Variants in ST8SIA1 observed in about 807,000 individuals in gnomAD.
ST8SIA1 encodes alpha-N-acetylneuraminide alpha-2,8-sialyltransferase.
ST8SIA1 carries 16 observed loss-of-function variants against 35.9 expected under a neutral mutation model. The observed-to-expected ratio is 0.45, with a 90% CI of 0.30 to 0.68. The LOEUF is 0.68. Ranked by LOEUF, ST8SIA1 falls within the 30% of genes least tolerant of loss-of-function variation. The pLI, the probability that ST8SIA1 is intolerant of heterozygous loss-of-function variation, is 0.09. For missense variants in ST8SIA1, 383 were observed against 453.6 expected (o/e 0.84, Z 1.41); for synonymous variants, 170 against 169.6 (o/e 1.00, Z -0.02).
intron 4 of ST8SIA1, among the ~76,000 whole-genome samples, chr12:22,229,098 T>A (rs889056057): frequency 1.4e-5 from 2 of 147,502 alleles, no homozygotes; most frequent in Admixed American, 6.8e-5. Context: ...GTGAAGAATA[T>A]TGACTCTGGA....
chr12:22,311,494 T>C (rs1197256899), intron 1 of ST8SIA1, among the ~76,000 whole-genome samples: 2 of 152,164 alleles, frequency 1.3e-5, no homozygotes, highest in African/African-American at 2.4e-5. Context: ...ATTTCTTCAA[T>C]TGTCTCTGGC....
intron 4 of ST8SIA1, among the ~76,000 whole-genome samples, chr12:22,221,304 G>A (rs985276553): frequency 6.6e-6 from 1 of 152,136 alleles, no homozygotes; most frequent in Non-Finnish European, 1.5e-5. Context: ...AGGACAAGAG[G>A]AAGAGGAGGT....
chr12:22,239,100 T>C (rs1369039454), intron 4 of ST8SIA1, among the ~76,000 whole-genome samples: 1 of 152,238 alleles, frequency 6.6e-6, no homozygotes, highest in African/African-American at 2.4e-5. Flanking sequence ...ATAATTATTC[T>C]TTTGCAGGTG....
At chr12:22,284,704 G>A (rs570329785) in intron 2 of ST8SIA1, among the ~76,000 whole-genome samples, 144 of 152,264 alleles carry the variant, frequency 9.5e-4, no homozygotes, top group South Asian at 2.7e-3. Flanking sequence ...CAAGAAAAAA[G>A]TATTCTTCCT....
At chr12:22,289,236 A>G (rs1050622601) in intron 1 of ST8SIA1, among the ~76,000 whole-genome samples, 7 of 152,144 alleles carry the variant, frequency 4.6e-5, no homozygotes, top group Non-Finnish European at 1.0e-4. Context: ...GTCTGCTGAT[A>G]TCTTATATTT....
At chr12:22,292,478 T>C (rs1424865496) in intron 1 of ST8SIA1, among the ~76,000 whole-genome samples, 2 of 152,180 alleles carry the variant, frequency 1.3e-5, no homozygotes, top group Admixed American at 1.3e-4. Flanking sequence ...ATAAAGGTGC[T>C]TAATAAATAT....
At chr12:22,312,698 G>T (rs12816254) in intron 1 of ST8SIA1, among the ~76,000 whole-genome samples, 49,148 of 149,600 alleles carry the variant, frequency 0.33, 8,790 homozygotes, top group Middle Eastern at 0.53. Context: ...AACCAAGTAG[G>T]GGCGTCACGG....
At chr12:22,243,589 C>CA (rs3216628) in intron 4 of ST8SIA1, among the ~76,000 whole-genome samples, 3 of 151,886 alleles carry the variant, frequency 2.0e-5, no homozygotes, top group Non-Finnish European at 2.9e-5. Context: ...TGTATTTAAC[C>CA]AAGTTTCCAG....
At chr12:22,239,971 G>GT (rs967124045) in intron 4 of ST8SIA1, among the ~76,000 whole-genome samples, 16 of 151,460 alleles carry the variant, frequency 1.1e-4, no homozygotes, top group South Asian at 2.1e-4. Context: ...TTCTGTTTTT[G>GT]TTTTTTTTGT....
intron 4 of ST8SIA1, among the ~76,000 whole-genome samples, chr12:22,248,442 A>C (rs1865629334): frequency 6.8e-6 from 1 of 146,304 alleles, no homozygotes. Context: ...CCAAGATTCC[A>C]GGCAATTTCA....
intron 1 of ST8SIA1, chr12:22,324,460 G>T (rs1866646765): frequency 6.6e-6 from 1 of 152,018 alleles, no homozygotes; most frequent in Non-Finnish European, 1.5e-5. Flanking sequence ...AAATACATTT[G>T]TATCTATCCT....
chr12:22,282,054 C>T (rs1866043949), intron 2 of ST8SIA1, among the ~76,000 whole-genome samples: 1 of 152,098 alleles, frequency 6.6e-6, no homozygotes, highest in African/African-American at 2.4e-5. Flanking sequence ...GAAATTTCTC[C>T]ATTTCTTATA....
intron 4 of ST8SIA1, among the ~76,000 whole-genome samples, chr12:22,227,106 T>A (rs1865367936): frequency 6.6e-6 from 1 of 151,502 alleles, no homozygotes; most frequent in African/African-American, 2.4e-5. Flanking sequence ...CCACCACACC[T>A]GGCTAATTTT....
chr12:22,202,467 C>A (rs940282549), intron 4 of ST8SIA1, among the ~76,000 whole-genome samples: 2 of 152,152 alleles, frequency 1.3e-5, no homozygotes, highest in African/African-American at 4.8e-5. Context: ...TTCTAAGATA[C>A]CTCTCCCCAC....
intron 2 of ST8SIA1, among the ~76,000 whole-genome samples, chr12:22,285,680 T>A (rs1866088804): frequency 6.6e-6 from 1 of 152,086 alleles, no homozygotes; most frequent in Non-Finnish European, 1.5e-5. Context: ...GAGACCAGCC[T>A]GGCCAGCACG....
rs1039780126 is a variant in ST8SIA1 at position 22,194,393 on chromosome 12, A to G, written c.*7159T>C. 1 of 152,224 alleles carries G rather than the reference A, an allele frequency of 6.6e-6. No individual in the cohort carries two copies. Among genetic ancestry groups the G allele is most frequent in the African/African-American group, 2.4e-5 (1 of 41,458 alleles). 9.4% of individuals were successfully genotyped at this position (152,224 alleles called of 1,614,324 possible). A position where few individuals can be genotyped will look rare whatever the true frequency, so the allele number is the denominator to read the frequency against. ...TATCAGACTTCTCCAAGGCCTATAA[A>G]CTATTGTGCATTTCTATAAAATAGT... On this transcript the variant is annotated 3_prime_UTR_variant, in exon 5 of 5. Coordinates refer to ENST00000396037, the MANE Select transcript of ST8SIA1 (RefSeq NM_003034.4).
chr12:22,297,080 G>C (rs745520611), intron 1 of ST8SIA1, among the ~76,000 whole-genome samples: 7 of 152,060 alleles, frequency 4.6e-5, no homozygotes, highest in Non-Finnish European at 8.8e-5. Context: ...TTATATAATA[G>C]ATATAAGAAC....
At chr12:22,255,082 T>C (rs1035086426) in intron 3 of ST8SIA1, among the ~76,000 whole-genome samples, 198 bp downstream of exon 3, 2 of 152,174 alleles carry the variant, frequency 1.3e-5, no homozygotes, top group Non-Finnish European at 2.9e-5. Context: ...TTCTTGGCTT[T>C]GTCCTTTCTC....
chr12:22,278,981 T>C (rs1280404566), intron 2 of ST8SIA1, among the ~76,000 whole-genome samples: 1 of 152,196 alleles, frequency 6.6e-6, no homozygotes, highest in Admixed American at 6.5e-5. Flanking sequence ...ACCTAACAAT[T>C]TTCCCAAATC....
Sources: gnomAD v4.1 joint callset for allele counts (sites outside exome capture counted in the v4.1 genomes callset) on GRCh38, gnomAD v4.1.1 for gene constraint, MANE v1.5 for transcripts, NCBI Gene and HGNC (gene_info 2026-07-23, HGNC 2026-07-21) for gene names.